The following UBR1 variants were observed in gnomAD, a reference collection of about 807,000 sequenced individuals.
The protein encoded by UBR1 is E3 ubiquitin-protein ligase UBR1.
In UBR1, 102 loss-of-function variants were observed where a neutral mutation model predicts 242.1. That is an observed-to-expected ratio of 0.42 (90% CI 0.36 to 0.50). The LOEUF (loss-of-function observed/expected upper bound fraction) is 0.50, where lower values mean the gene tolerates loss of function less well. Ranked by LOEUF, UBR1 falls within the 20% of genes least tolerant of loss-of-function variation. UBR1 has a pLI of 0.01. For synonymous variants in UBR1, 675 were observed against 684.8 expected (o/e 0.99, Z 0.22); for missense variants, 1,772 against 2,101.8 (o/e 0.84, Z 3.07).
intron 13 of UBR1, 49 bp from the exon 14 acceptor site, chr15:43,047,338 T>C (rs200092504): frequency 3.1e-6 from 5 of 1,613,540 alleles, no homozygotes; most frequent in Non-Finnish European, 4.2e-6. Context: ...CCTCTCTCTT[T>C]GCTCTGCTCT....
intron 1 of UBR1, among the ~76,000 whole-genome samples, chr15:43,090,763 T>G (rs1441599605): frequency 6.6e-6 from 1 of 152,140 alleles, no homozygotes; most frequent in Non-Finnish European, 1.5e-5. Context: ...TACAAGCCCC[T>G]CACATTTCAT....
rs1237532459 is a variant in UBR1 at position 42,990,095 on chromosome 15, A to G, written c.3783T>C (p.Phe1261=). ...AKGENPIPIF[F]NQGMGDSTLE... ...AAGTAGAATCTCCCATTCCTTGATT[A>G]AAGAAAATAGGAATTGGGTTTTCTC... Residue 1261 remains phenylalanine (F), a synonymous_variant, in exon 34 of 47, where the codon TTT becomes TTC. Transcript: ENST00000290650. The G allele has an allele frequency of 3.1e-6, 5 of 1,603,150 alleles. No homozygotes were observed. The South Asian group carries it at 5.6e-5, about 18-fold the overall frequency.
At chr15:43,077,486 TAAGTACCCAGGGACACAA>T (rs1567145578) in intron 3 of UBR1, among the ~76,000 whole-genome samples, 2 of 151,260 alleles carry the variant, frequency 1.3e-5, no homozygotes, top group Admixed American at 6.6e-5. Flanking sequence ...TCCCTAATCT[TAAGTACCCAGGGACACAA>T]ACACTGCGGA....
chr15:42,996,697 T>C (rs1020949414), intron 33 of UBR1, among the ~76,000 whole-genome samples: 1 of 152,226 alleles, frequency 6.6e-6, no homozygotes, highest in African/African-American at 2.4e-5. Flanking sequence ...TCTGTAGCTT[T>C]TGTATACATC....
Position 43,070,830 on chromosome 15 carries a change from T to C in UBR1, c.624A>G (p.Glu208=), listed in dbSNP as rs1290370381. 2 of 1,613,820 alleles carry C rather than the reference T, an allele frequency of 1.2e-6. No individual in the cohort carries two copies. Among genetic ancestry groups the C allele is most frequent in the Middle Eastern group, 1.7e-4 (1 of 6,060 alleles). ...IKYVVEMTIW[E]EEKELPPELQ... ...GTTCAGGAGGCAGTTCTTTTTCCTC[T>C]TCCCATATAGTCATTTCTACGACAT... The change falls in exon 5 of 47, where the codon GAA becomes GAG. Residue 208 remains glutamate, a synonymous_variant. Coordinates refer to ENST00000290650, the MANE Select transcript of UBR1 (RefSeq NM_174916.3).
intron 3 of UBR1, among the ~76,000 whole-genome samples, chr15:43,076,592 C>T (rs142212132): frequency 0.017 from 2,548 of 150,524 alleles, 51 homozygotes; most frequent in African/African-American, 0.057. Context: ...TCTGCTGGGC[C>T]GCAACCCTGT....
At chr15:43,019,406 T>A (rs1441510138) in intron 27 of UBR1, among the ~76,000 whole-genome samples, 2 of 151,748 alleles carry the variant, frequency 1.3e-5, no homozygotes, top group Admixed American at 6.6e-5. Flanking sequence ...TCTAATAAAA[T>A]GGTAAGAAGA....
At chr15:43,036,935 T>TA (rs2141317237) in intron 17 of UBR1, among the ~76,000 whole-genome samples, 1 of 151,502 alleles carries the variant, frequency 6.6e-6, no homozygotes, top group South Asian at 2.1e-4. Context: ...TTTTTTTTTT[T>TA]AATTTCATTT....
At chr15:43,075,873 C>T (rs2033883202) in intron 3 of UBR1, among the ~76,000 whole-genome samples, 1 of 151,958 alleles carries the variant, frequency 6.6e-6, no homozygotes, top group Admixed American at 6.6e-5. Flanking sequence ...CCTCAGCCTG[C>T]CAAAGTGCTG....
At chr15:43,052,002 A>G (rs1488460245) in intron 12 of UBR1, among the ~76,000 whole-genome samples, 2 of 152,236 alleles carry the variant, frequency 1.3e-5, no homozygotes, top group Non-Finnish European at 2.9e-5. Flanking sequence ...ACAATAAATT[A>G]GCAACTGAGA....
chr15:42,960,626 A>T lies in UBR1; in HGVS notation c.4757+19T>A. The T allele has an allele frequency of 1.2e-6, 2 of 1,613,352 alleles. No homozygotes were observed. Among genetic ancestry groups the T allele is most frequent in the Non-Finnish European group, 1.7e-6 (2 of 1,179,352 alleles). The stretch of plus-strand genomic sequence containing the variant: ...ACAACTTGTGGATGAGGGAGAAAGG[A>T]TTAAGTAGTAAAACCAACCTGACCA... On this transcript the variant is annotated intron_variant, in intron 43 of 46. Coordinates refer to ENST00000290650, the MANE Select transcript of UBR1 (RefSeq NM_174916.3).
At chr15:43,055,024 C>A (rs2033599861) in intron 11 of UBR1, 125 bp from the exon 12 acceptor site, 1 of 1,161,936 alleles carries the variant, frequency 8.6e-7, no homozygotes, top group African/African-American at 1.5e-5. Context: ...ATGTTAAACA[C>A]AGTCCTTAGT....
intron 46 of UBR1, among the ~76,000 whole-genome samples, chr15:42,948,731 G>A (rs2031778903): frequency 6.6e-6 from 1 of 152,172 alleles, no homozygotes; most frequent in South Asian, 2.1e-4. Flanking sequence ...ACCACAATGA[G>A]ATACCACCTC....
intron 15 of UBR1, among the ~76,000 whole-genome samples, chr15:43,042,561 TAATA>T (rs1215943217): frequency 6.6e-6 from 1 of 152,190 alleles, no homozygotes; most frequent in African/African-American, 2.4e-5. Flanking sequence ...AATAATTGTT[TAATA>T]AATTATTATT....
intron 19 of UBR1, among the ~76,000 whole-genome samples, chr15:43,034,292 A>G (rs2033301042): frequency 6.8e-6 from 1 of 147,788 alleles, no homozygotes; most frequent in Admixed American, 6.7e-5. Flanking sequence ...AGATAAATAA[A>G]TGAGCTGGGC....
chr15:43,034,301 G>T (rs928514503), intron 19 of UBR1, among the ~76,000 whole-genome samples: 3 of 150,782 alleles, frequency 2.0e-5, no homozygotes, highest in Admixed American at 2.0e-4. Flanking sequence ...AATGAGCTGG[G>T]CGTGGTGGCT....
intron 43 of UBR1, among the ~76,000 whole-genome samples, chr15:42,960,414 C>A (rs1001490537): frequency 1.1e-4 from 16 of 152,284 alleles, no homozygotes; most frequent in African/African-American, 3.6e-4. Context: ...AAAAAAGATT[C>A]TCTTAAGAGG....
intron 44 of UBR1, among the ~76,000 whole-genome samples, chr15:42,953,048 C>T (rs777214012): frequency 2.0e-5 from 3 of 151,980 alleles, no homozygotes; most frequent in Non-Finnish European, 4.4e-5. Context: ...CTCAGCCTCC[C>T]GAGTAGCTGG....
chr15:43,011,956 G>C (rs960253664), intron 29 of UBR1: 3 of 451,626 alleles, frequency 6.6e-6, no homozygotes, highest in Non-Finnish European at 8.9e-6. Flanking sequence ...GCCGGGCACA[G>C]TGGCTCACGC....
Sources: allele counts gnomAD v4.1 joint callset (sites outside exome capture counted in the v4.1 genomes callset), GRCh38; gene constraint gnomAD v4.1.1; transcripts MANE v1.5; gene names NCBI Gene and HGNC (gene_info 2026-07-23, HGNC 2026-07-21).